The following RBM43 variants were observed in gnomAD, a reference collection of about 807,000 sequenced individuals.
RBM43 encodes the protein RNA binding motif protein 43.
A neutral mutation model predicts 12.4 loss-of-function variants in RBM43; 12 were observed. That is an observed-to-expected ratio of 0.97 (90% confidence interval 0.62 to 1.57). RBM43 has a LOEUF of 1.57. RBM43 is among the 40% of genes most tolerant of loss of function. The probability of loss-of-function intolerance (pLI) is 0.00; values close to 1 mark genes in which losing one functional copy is unlikely to be tolerated. For synonymous variants in RBM43, 138 were observed against 145.7 expected, an observed-to-expected ratio of 0.95 and a Z score of 0.38; for missense variants, 348 against 400.1, an observed-to-expected ratio of 0.87 and a Z score of 1.11.
intron 2 of RBM43, among the ~76,000 whole-genome samples, chr2:151,253,525 G>A (rs1358762564): frequency 6.6e-6 from 1 of 152,050 alleles, no homozygotes; most frequent in Non-Finnish European, 1.5e-5. Context: ...CACAGAAAAT[G>A]ATATTTAATC....
At position 151,251,581 on chromosome 2, in the gene RBM43, T is replaced by C. The variant is rs776196716; in HGVS notation, c.399A>G (p.Lys133=). ...TGAAGCTTAAACTCGGGATTTTTTT[T>C]TTCAGGTCTTTTACCAGAGTTTCTA... The part of the protein sequence containing the change: ...VTLETLVKDL[K]KKIPSLSFSP... Residue 133 remains lysine (K), a synonymous_variant, in exon 4 of 4, where the codon AAA becomes AAG. Coordinates refer to ENST00000331426, the MANE Select transcript of RBM43 (RefSeq NM_198557.3). 1.9e-6 allele frequency: 3 copies of C among 1,614,200 alleles called. No individual in the cohort carries two copies. The highest frequency in any genetic ancestry group is 1.7e-5 in the Admixed American group (1 of 60,026).
chr2:151,255,791 T>G, intron 1 of RBM43, 48 bp from the exon 2 acceptor site: 1 of 1,297,916 alleles, frequency 7.7e-7, no homozygotes. Flanking sequence ...AGACTCTATA[T>G]AATAAAGATG....
intron 1 of RBM43, among the ~76,000 whole-genome samples, chr2:151,260,108 CT>C (rs1295436074): frequency 6.0e-5 from 9 of 150,472 alleles, no homozygotes; most frequent in East Asian, 2.0e-4. Context: ...TCGTGATCCG[CT>C]CCCCCCTCGG....
chr2:151,255,211 T>C (rs1338458825), intron 2 of RBM43, among the ~76,000 whole-genome samples: 1 of 152,122 alleles, frequency 6.6e-6, no homozygotes, highest in Non-Finnish European at 1.5e-5. Context: ...GGTCAGGAGT[T>C]CGAGACCAAC....
chr2:151,254,952 A>G (rs1054400789), intron 2 of RBM43, among the ~76,000 whole-genome samples: 2 of 152,138 alleles, frequency 1.3e-5, no homozygotes, highest in Admixed American at 6.5e-5. Flanking sequence ...CAGGTTTTCT[A>G]CAATAAAATG....
rs750786973 is a variant in RBM43, at chr2:151,251,332, A to G, written c.648T>C (p.Ser216=). 3 of 1,613,974 alleles carry G rather than the reference A, an allele frequency of 1.9e-6. No individual in the cohort carries two copies. The African/African-American group carries it at 4.0e-5, about 22-fold the overall frequency. Residue 216 remains serine, a synonymous_variant, in exon 4 of 4, where the codon AGT becomes AGC. Transcript: ENST00000331426. ...VRTLVPETAR[S]GEMLVLDTDV... ...CTGTGTCAAGCACAAGCATTTCTCCACTTCTAGCAGTCTCAGGTACTAAGG... is the reference window on the plus strand; with the variant it reads ...CTGTGTCAAGCACAAGCATTTCTCCGCTTCTAGCAGTCTCAGGTACTAAGG...
At chr2:151,259,654 A>G (rs1424947138) in intron 1 of RBM43, among the ~76,000 whole-genome samples, 2 of 152,110 alleles carry the variant, frequency 1.3e-5, no homozygotes, top group Non-Finnish European at 2.9e-5. Flanking sequence ...AAATAAAAAT[A>G]AAAACATTGA....
At chr2:151,252,703 A>G in intron 3 of RBM43, 52 bp downstream of exon 3, 1 of 1,025,272 alleles carries the variant, frequency 9.8e-7, no homozygotes, top group Non-Finnish European at 1.5e-6. Context: ...AAAAACTTCA[A>G]AAAAGAAATG....
chr2:151,254,018 C>CCTTTATT (rs1682942669), intron 2 of RBM43, among the ~76,000 whole-genome samples: 2 of 152,042 alleles, frequency 1.3e-5, no homozygotes, highest in Admixed American at 1.3e-4. Context: ...ATATTCTATC[C>CCTTTATT]CTTTATTCTT....
intron 1 of RBM43, chr2:151,260,865 C>T (rs1040221949): frequency 7.6e-5 from 15 of 196,488 alleles, no homozygotes; most frequent in Admixed American, 7.5e-4. Flanking sequence ...GGCGCATTTC[C>T]TTGCATCAGT....
chr2:151,255,278 G>A (rs1468946464), intron 2 of RBM43, among the ~76,000 whole-genome samples: 1 of 152,030 alleles, frequency 6.6e-6, no homozygotes, highest in African/African-American at 2.4e-5. Context: ...AGCTGGGCGT[G>A]ATGGCAGGCG....
intron 2 of RBM43, among the ~76,000 whole-genome samples, chr2:151,253,803 C>T (rs551442388): frequency 6.6e-6 from 1 of 152,122 alleles, no homozygotes; most frequent in African/African-American, 2.4e-5. Flanking sequence ...CACTCTCCCC[C>T]AGCTCATTCC....
intron 2 of RBM43, among the ~76,000 whole-genome samples, chr2:151,254,286 A>AATCT (rs1553460018): frequency 2.8e-5 from 2 of 71,190 alleles, no homozygotes; most frequent in African/African-American, 3.0e-5. Context: ...GACCGAGGCC[A>AATCT]ATCTCTCTCT....
chr2:151,258,294 T>A (rs1293955425), intron 1 of RBM43, among the ~76,000 whole-genome samples: 4 of 151,014 alleles, frequency 2.6e-5, no homozygotes, highest in Non-Finnish European at 2.9e-5. Context: ...CTACCCCCAG[T>A]GCACACAAGA....
chr2:151,261,337 G>T, intron 1 of RBM43: 1 of 1,550,624 alleles, frequency 6.4e-7, no homozygotes, highest in South Asian at 1.2e-5. Context: ...CCCCCGAGGC[G>T]TGGGAGGACA....
rs1372926844 is a variant in RBM43 at position 151,249,735 on chromosome 2, T to C, written c.*1171A>G. On this transcript the variant is annotated 3_prime_UTR_variant, in exon 4 of 4. Coordinates refer to ENST00000331426, the MANE Select transcript of RBM43 (RefSeq NM_198557.3). ...TGGTATTAGTAAAGCCCTGGGGAGC[T>C]GGCAAGCTCCAACTGGTGGGCAATG... The C allele has an allele frequency of 6.6e-6, 1 of 152,194 alleles. No individual in the cohort carries two copies. Among genetic ancestry groups the C allele is most frequent in the Non-Finnish European group, 1.5e-5 (1 of 68,046 alleles). 9.4% of individuals were successfully genotyped at this position (152,194 alleles called of 1,614,324 possible). A position where few individuals can be genotyped will look rare whatever the true frequency, so the allele number is the denominator to read the frequency against.
At chr2:151,254,287 A>ATCTATCTCTGTC (rs146039442) in intron 2 of RBM43, among the ~76,000 whole-genome samples, 1 of 149,416 alleles carries the variant, frequency 6.7e-6, no homozygotes, top group African/African-American at 2.4e-5. Flanking sequence ...ACCGAGGCCA[A>ATCTATCTCTGTC]TCTCTCTCTC....
chr2:151,260,729 A>T (rs971499825), intron 1 of RBM43, among the ~76,000 whole-genome samples: 2 of 152,178 alleles, frequency 1.3e-5, no homozygotes, highest in African/African-American at 4.8e-5. Context: ...TACTGAGGTC[A>T]ATTATGAATA....
At chr2:151,253,086 G>A (rs1269825595) in intron 2 of RBM43, among the ~76,000 whole-genome samples, 1 of 152,006 alleles carries the variant, frequency 6.6e-6, no homozygotes, top group African/African-American at 2.4e-5. Context: ...TTATATGCAT[G>A]AATAAAAAAC....
Sources: gnomAD v4.1 joint callset for allele counts (sites outside exome capture counted in the v4.1 genomes callset) on GRCh38, gnomAD v4.1.1 for gene constraint, MANE v1.5 for transcripts, NCBI Gene and HGNC (gene_info 2026-07-23, HGNC 2026-07-21) for gene names.